Variants in BDH1 observed in about 807,000 individuals in gnomAD.
BDH1 encodes the protein 3-hydroxybutyrate dehydrogenase 1.
In BDH1, 30 loss-of-function variants were observed where a neutral mutation model predicts 33.1. That is an observed-to-expected ratio of 0.91 (90% CI 0.68 to 1.23). The LOEUF (loss-of-function observed/expected upper bound fraction) is 1.23. BDH1 is among the 50% of genes most tolerant of loss of function. The pLI is 0.00. For missense variants in BDH1, 443 were observed against 464.4 expected, an observed-to-expected ratio of 0.95 and a Z score of 0.42; for synonymous variants, 190 against 183.6, an observed-to-expected ratio of 1.03 and a Z score of -0.28.
intron 1 of BDH1, among the ~76,000 whole-genome samples, chr3:197,564,764 A>C (rs1423036649): frequency 2.6e-5 from 4 of 152,218 alleles, no homozygotes; most frequent in African/African-American, 9.7e-5. Flanking sequence ...TCAAATTAAC[A>C]AGGTTTTTAT....
At chr3:197,560,387 C>T (rs930426633), upstream of BDH1, among the ~76,000 whole-genome samples, 3 of 152,204 alleles carry the variant, frequency 2.0e-5, no homozygotes, top group African/African-American at 7.2e-5. Context: ...TTACCTTTCT[C>T]AGCATTCCAC....
rs1475582778 is a variant in BDH1, at chr3:197,512,315, G to T, written c.612C>A (p.Ala204=). ...ACTTGGTGATGCAGTACGGGGAGCG[G>T]GCCGGGTTGGCCATGCGGCCCAGCA... ...SSMLGRMANP[A]RSPYCITKFG... The change falls in exon 8 of 8, where the codon GCC becomes GCA. Residue 204 remains alanine (A), a synonymous_variant. Transcript: ENST00000392379. 6.8e-6 allele frequency: 11 copies of T among 1,611,268 alleles called. No individual in the cohort carries two copies. The South Asian group carries it at 1.2e-4, about 18-fold the overall frequency.
At chr3:197,566,709 A>T (rs1026549745) in intron 1 of BDH1, among the ~76,000 whole-genome samples, 1 of 152,222 alleles carries the variant, frequency 6.6e-6, no homozygotes, top group African/African-American at 2.4e-5. Flanking sequence ...ATAGTACAGC[A>T]GTTGTTAGAT....
chr3:197,542,933 G>T, intron 3 of BDH1: 1 of 933,924 alleles, frequency 1.1e-6, no homozygotes, highest in Non-Finnish European at 1.3e-6. Flanking sequence ...GGGAGGAAGT[G>T]GTGCAGTCTG....
rs1388802684 is a variant in BDH1, at chr3:197,546,481, G to A, written c.-38C>T. 1.2e-6 allele frequency: 2 copies of A among 1,601,568 alleles called. No individual in the cohort carries two copies. The highest frequency in any genetic ancestry group is 3.4e-5 in the Admixed American group (2 of 59,634). On this transcript the variant is annotated 5_prime_UTR_variant, in exon 3 of 8. Coordinates refer to ENST00000392379, the MANE Select transcript of BDH1 (RefSeq NM_203314.3). The stretch of plus-strand genomic sequence containing the variant: ...TGTTAGAATGGCCCAGTTCCTCCCG[G>A]TGGTTCTGAAACATAAATGCACCCT...
At position 197,533,489 on chromosome 3, in the gene BDH1, C is replaced by A; in HGVS notation, c.156G>T (p.Pro52=). 1 of 1,614,214 alleles carries A rather than the reference C, an allele frequency of 6.2e-7. No homozygotes were observed. Among genetic ancestry groups the A allele is most frequent in the Non-Finnish European group, 8.5e-7 (1 of 1,180,018 alleles). Residue 52 remains proline (P), a splice_region_variant and synonymous_variant, in exon 4 of 8, where the codon CCG becomes CCT. Coordinates refer to ENST00000392379, the MANE Select transcript of BDH1 (RefSeq NM_203314.3). ...CCCGGGTAGCTGGGCTTCCACTCAC[C>A]GGCTCCGCCGCACTGGCATAAGTCC... ...GRRTYASAAE[P]VGSKAVLVTG...
intron 1 of BDH1, among the ~76,000 whole-genome samples, chr3:197,571,598 C>T (rs1580028171): frequency 6.6e-6 from 1 of 152,314 alleles, no homozygotes; most frequent in East Asian, 1.9e-4. Context: ...GGCTTTCGTT[C>T]TCTCTCTTGC....
chr3:197,566,292 A>G (rs934557951), intron 1 of BDH1, among the ~76,000 whole-genome samples: 4 of 152,228 alleles, frequency 2.6e-5, no homozygotes, highest in Admixed American at 2.6e-4. Context: ...AAATTGACTT[A>G]TGGAGGCAAT....
intron 2 of BDH1, among the ~76,000 whole-genome samples, chr3:197,551,574 T>C (rs147483240): frequency 6.7e-4 from 102 of 152,282 alleles, no homozygotes; most frequent in African/African-American, 2.4e-3. Flanking sequence ...TTTCCTTCCT[T>C]TTGGGTATAT....
Position 197,512,318 on chromosome 3 carries a change from C to T in BDH1, c.609G>A (p.Pro203=), listed in dbSNP as rs774160942. The change falls in exon 8 of 8, where the codon CCG becomes CCA. Residue 203 remains proline, a synonymous_variant. Transcript: ENST00000392379. The stretch of plus-strand genomic sequence containing the variant: ...TGGTGATGCAGTACGGGGAGCGGGC[C>T]GGGTTGGCCATGCGGCCCAGCATGC... ...ISSMLGRMAN[P]ARSPYCITKF... is the part of the protein sequence containing the mutation. 1.5e-5 allele frequency: 24 copies of T among 1,611,052 alleles called. No individual in the cohort carries two copies. The highest frequency in any genetic ancestry group is 7.7e-5 in the South Asian group (7 of 91,074).
In BDH1 at chr3:197,567,442, T is replaced by C. The variant is rs370729731; in HGVS notation, c.-44+5739A>G. The stretch of plus-strand genomic sequence containing the variant: ...TAATCAGAAACTCAAAAGAGTGCAA[T>C]TGTTTGTCTCTCATCTACCCGTGAC... On this transcript the variant is annotated intron_variant, in intron 1 of 6. Transcript: ENST00000358186. 2.6e-5 allele frequency among the ~76,000 whole-genome samples: 4 copies of C among 152,182 alleles called. 1 individual carries two copies. The highest frequency in any genetic ancestry group is 5.9e-5 in the Non-Finnish European group (4 of 68,038).
chr3:197,556,999 CA>C (rs768825452), upstream of BDH1, among the ~76,000 whole-genome samples: 8 of 152,246 alleles, frequency 5.3e-5, no homozygotes, highest in Non-Finnish European at 1.0e-4. Flanking sequence ...TACTCAAAAT[CA>C]CCCCCTGCTC....
chr3:197,550,630 G>A lies in BDH1; in HGVS notation c.-44+3932C>T, dbSNP rs189643889. ...CTGTGGCGCAGGGCCATGCAATGGC[G>A]CTGCTGGAGGACGGCAGCTACACTC... On this transcript the variant is annotated intron_variant, in intron 2 of 7. Coordinates refer to ENST00000392379, the MANE Select transcript of BDH1 (RefSeq NM_203314.3). Among the ~76,000 whole-genome samples the A allele has an allele frequency of 4.6e-5, 7 of 152,268 alleles. No homozygotes were observed. The East Asian group carries it at 1.2e-3, about 25-fold the overall frequency.
chr3:197,543,016 G>A (rs958399229), intron 3 of BDH1: 12 of 985,288 alleles, frequency 1.2e-5, no homozygotes, highest in East Asian at 2.3e-4. Context: ...ATTTGAGAGC[G>A]CTCCCTATGC....
At position 197,512,307 on chromosome 3, in the gene BDH1, GGGGAGC is replaced by G. The variant is rs1560300522; in HGVS notation, c.614_619del (p.Arg205_Ser206del). The G allele has an allele frequency of 1.9e-6, 3 of 1,611,902 alleles. No individual in the cohort carries two copies. In the South Asian group the frequency reaches 3.3e-5, roughly 18 times the overall value. ...TACCCCGAACTTGGTGATGCAGTAC[GGGGAGC>G]GGGCCGGGTTGGCCATGCGGCCCAG... On this transcript the variant is annotated inframe_deletion, in exon 8 of 8. Coordinates refer to ENST00000392379, the MANE Select transcript of BDH1 (RefSeq NM_203314.3).
chr3:197,515,892 GCA>G (rs539632668), intron 6 of BDH1: 2,669 of 152,240 alleles, frequency 0.018, 30 homozygotes, highest in East Asian at 0.044. Flanking sequence ...GACAGAGCAC[GCA>G]CACACACACA....
chr3:197,557,585 T>C (rs1430673934), upstream of BDH1, among the ~76,000 whole-genome samples: 2 of 152,136 alleles, frequency 1.3e-5, no homozygotes, highest in Non-Finnish European at 2.9e-5. This position sits in a 1 kb window ranked among gnomAD's most constrained non-coding sequence, Gnocchi z 4.6. Flanking sequence ...CCCTTCGTAG[T>C]GGATGCTTGT....
In BDH1 at chr3:197,568,291, G is replaced by GT. The variant is rs561555919; in HGVS notation, c.-44+4889dup. On this transcript the variant is annotated intron_variant, in intron 1 of 6. Coordinates refer to the BDH1 transcript ENST00000358186. The stretch of plus-strand genomic sequence containing the variant: ...ATTGAATTTTATTAAAGTTTTGTGG[G>GT]TTTTTTTTTTTTGGCTGGAAATCAT... Among the ~76,000 whole-genome samples, 74 of 148,778 alleles carry GT rather than the reference G, an allele frequency of 5.0e-4. 1 individual carries two copies. Among genetic ancestry groups the GT allele is most frequent in the South Asian group, 3.8e-3 (18 of 4,710 alleles).
chr3:197,563,315 T>G (rs1054913258), intron 1 of BDH1, among the ~76,000 whole-genome samples: 2 of 152,198 alleles, frequency 1.3e-5, no homozygotes, highest in Non-Finnish European at 2.9e-5. Flanking sequence ...ATATGCAAAT[T>G]TAAGACTATT....
Sources: allele counts gnomAD v4.1 joint callset (sites outside exome capture counted in the v4.1 genomes callset), GRCh38; gene constraint gnomAD v4.1.1; non-coding constraint Gnocchi (gnomAD v3.1); transcripts MANE v1.5; gene names NCBI Gene and HGNC (gene_info 2026-07-23, HGNC 2026-07-21).